The following PDE8A variants were observed in gnomAD, a reference collection of about 807,000 sequenced individuals.
PDE8A encodes high affinity cAMP-specific and IBMX-insensitive 3',5'-cyclic phosphodiesterase 8A.
PDE8A carries 59 observed loss-of-function variants against 105.0 expected under a neutral mutation model. That is an observed-to-expected ratio of 0.56 (90% CI 0.46 to 0.70). The LOEUF (loss-of-function observed/expected upper bound fraction) is 0.70. Ranked by LOEUF, PDE8A falls within the 30% of genes least tolerant of loss-of-function variation. The pLI, the probability that PDE8A is intolerant of heterozygous loss-of-function variation, is 0.00. For synonymous variants in PDE8A, 355 were observed against 371.9 expected (o/e 0.95, Z 0.52); for missense variants, 1,014 against 1,045.9 (o/e 0.97, Z 0.42).
chr15:85,002,413 G>A (rs2080081748), intron 1 of PDE8A, among the ~76,000 whole-genome samples: 1 of 152,222 alleles, frequency 6.6e-6, no homozygotes, highest in Admixed American at 6.5e-5. Context: ...TAGGTCTAGA[G>A]GGTCCCAAGC....
At chr15:85,074,309 A>G (rs2081352721) in intron 3 of PDE8A, among the ~76,000 whole-genome samples, 2 of 152,210 alleles carry the variant, frequency 1.3e-5, no homozygotes, top group Non-Finnish European at 2.9e-5. Flanking sequence ...TTTGTGCTAC[A>G]GTGGTAGAGT....
At chr15:84,992,253 G>A (rs2079897647) in intron 1 of PDE8A, among the ~76,000 whole-genome samples, 1 of 152,092 alleles carries the variant, frequency 6.6e-6, no homozygotes, top group African/African-American at 2.4e-5. Context: ...GCAAGAGCTT[G>A]GTCTGGATTG....
intron 20 of PDE8A, among the ~76,000 whole-genome samples, chr15:85,127,579 TAAAATTTA>T (rs1436034406): frequency 2.6e-5 from 4 of 152,108 alleles, no homozygotes; most frequent in African/African-American, 9.7e-5. Context: ...CAGTAGGAAA[TAAAATTTA>T]AAAATTAAAA....
chr15:85,057,790 G>A (rs991158237), intron 1 of PDE8A, among the ~76,000 whole-genome samples: 2 of 152,138 alleles, frequency 1.3e-5, no homozygotes, highest in African/African-American at 2.4e-5. Context: ...ATTATTTGAG[G>A]TATAATGAAT....
intron 2 of PDE8A, among the ~76,000 whole-genome samples, chr15:85,065,535 C>G (rs2081210697): frequency 6.6e-6 from 1 of 151,548 alleles, no homozygotes. Flanking sequence ...GTTATCCATG[C>G]TCCCCGCACA....
chr15:85,027,965 A>T (rs371938195), intron 1 of PDE8A, among the ~76,000 whole-genome samples: 2 of 152,202 alleles, frequency 1.3e-5, no homozygotes, highest in Non-Finnish European at 1.5e-5. Context: ...TATTATAAAA[A>T]CTTCATAGTG....
At chr15:85,054,013 A>G (rs112730993) in intron 1 of PDE8A, among the ~76,000 whole-genome samples, 63,687 of 148,532 alleles carry the variant, frequency 0.43, 11,380 homozygotes, top group African/African-American at 0.49. Context: ...GTTTATCGAG[A>G]GTTTTTAGCA....
chr15:85,024,775 A>G (rs1275696557), intron 1 of PDE8A, among the ~76,000 whole-genome samples: 1 of 152,138 alleles, frequency 6.6e-6, no homozygotes, highest in Non-Finnish European at 1.5e-5. Context: ...GGACTTGTTC[A>G]TTCTAGTTTC....
intron 1 of PDE8A, among the ~76,000 whole-genome samples, chr15:85,013,212 A>G (rs904605191): frequency 3.3e-5 from 5 of 152,204 alleles, no homozygotes; most frequent in Non-Finnish European, 7.3e-5. Context: ...GACCTTAGCA[A>G]CTTTGATCCT....
At chr15:85,085,629 C>T (rs1339333129) in intron 6 of PDE8A, among the ~76,000 whole-genome samples, 5 of 150,610 alleles carry the variant, frequency 3.3e-5, no homozygotes, top group South Asian at 2.1e-4. Flanking sequence ...GAGCTGAGAT[C>T]GTGCCATTGC....
intron 6 of PDE8A, among the ~76,000 whole-genome samples, chr15:85,084,374 A>G (rs1236315214): frequency 6.6e-6 from 1 of 151,952 alleles, no homozygotes; most frequent in Non-Finnish European, 1.5e-5. Flanking sequence ...AAATGAAATG[A>G]ATGATTAGCG....
intron 1 of PDE8A, among the ~76,000 whole-genome samples, chr15:85,040,835 A>G (rs2080795366): frequency 6.6e-6 from 1 of 152,130 alleles, no homozygotes; most frequent in African/African-American, 2.4e-5. Flanking sequence ...CTGGGATTAC[A>G]GGCGTGAACC....
At chr15:85,135,502 C>A (rs555688182) in intron 20 of PDE8A, among the ~76,000 whole-genome samples, 99 of 152,236 alleles carry the variant, frequency 6.5e-4, no homozygotes, top group Non-Finnish European at 1.2e-3. Context: ...GCTGCTCCCC[C>A]CAGCCCACTC....
intron 1 of PDE8A, among the ~76,000 whole-genome samples, chr15:85,022,133 T>G (rs1003770167): frequency 6.6e-6 from 1 of 152,248 alleles, no homozygotes; most frequent in Non-Finnish European, 1.5e-5. Context: ...AGTTGCCAAA[T>G]GGTGAATTTT....
rs370514196 is a variant in PDE8A, at chr15:85,064,351, G to T, written c.187-19G>T. ...TTCTCCGTTGTCTTTTCATTTTTAA[G>T]CCAATCTCTTTCTTACAGGTAGCAG... On this transcript the variant is annotated intron_variant, in intron 1 of 21. Coordinates refer to ENST00000394553, the MANE Select transcript of PDE8A (RefSeq NM_002605.3). 4 of 1,586,526 alleles carry T rather than the reference G, an allele frequency of 2.5e-6. No individual in the cohort carries two copies. The African/African-American group carries it at 5.4e-5, about 21-fold the overall frequency.
intron 1 of PDE8A, among the ~76,000 whole-genome samples, chr15:84,986,236 T>C (rs2079800173): frequency 6.6e-6 from 1 of 151,944 alleles, no homozygotes; most frequent in Non-Finnish European, 1.5e-5. Flanking sequence ...CAAAAATAAA[T>C]AATAAATAAA....
At chr15:85,083,227 T>G (rs1013347629) in intron 5 of PDE8A, among the ~76,000 whole-genome samples, 7 of 152,166 alleles carry the variant, frequency 4.6e-5, no homozygotes, top group Non-Finnish European at 1.0e-4. Flanking sequence ...ATGAATTTCC[T>G]CCTCCACATG....
intron 1 of PDE8A, among the ~76,000 whole-genome samples, chr15:85,014,429 TTAAC>T (rs1295379013): frequency 6.6e-6 from 1 of 152,212 alleles, no homozygotes; most frequent in African/African-American, 2.4e-5. Context: ...GCTCCTCTCA[TTAAC>T]TATGTGATAA....
In PDE8A at chr15:85,137,791, C is replaced by T. The variant is rs775994031; in HGVS notation, c.2384-6C>T. On this transcript the variant is annotated splice_region_variant and splice_polypyrimidine_tract_variant and intron_variant, in intron 21 of 21. Transcript: ENST00000394553. ...AAGCATATCACATTCCTATCTTTCT[C>T]TCCAGCCTTTGTAGACCTGCCTGAT... is the stretch of plus-strand genomic sequence containing the variant. The T allele has an allele frequency of 3.8e-6, 6 of 1,565,166 alleles. No individual in the cohort carries two copies. In the Middle Eastern group the frequency reaches 6.7e-4, roughly 174 times the overall value.
Sources: allele counts gnomAD v4.1 joint callset (sites outside exome capture counted in the v4.1 genomes callset), GRCh38; gene constraint gnomAD v4.1.1; transcripts MANE v1.5; gene names NCBI Gene and HGNC (gene_info 2026-07-23, HGNC 2026-07-21).